Variants in PLS3 observed in about 807,000 individuals in gnomAD.
PLS3 encodes plastin 3.
In PLS3, 11 loss-of-function variants were observed where a neutral mutation model predicts 46.5. That is an observed-to-expected ratio of 0.24 (90% CI 0.15 to 0.39). The LOEUF is 0.39. Ranked by LOEUF, PLS3 falls within the 10% of genes least tolerant of loss-of-function variation. PLS3 has a pLI of 1.00. For synonymous variants in PLS3, 167 were observed against 162.2 expected (o/e 1.03, Z -0.22); for missense variants, 308 against 461.8 (o/e 0.67, Z 3.05).
intron 1 of PLS3, among the ~76,000 whole-genome samples, chrX:115,581,536 TGAA>T (rs1465274237): frequency 8.9e-6 from 1 of 112,063 alleles, no homozygotes; most frequent in Non-Finnish European, 1.9e-5. Flanking sequence ...TGATTAGGAC[TGAA>T]GAAGAACTGA....
intron 2 of PLS3, among the ~76,000 whole-genome samples, chrX:115,617,866 G>T (rs2074611684): frequency 8.9e-6 from 1 of 111,964 alleles, no homozygotes; most frequent in African/African-American, 3.3e-5. Flanking sequence ...GTTCAAGAGA[G>T]GTTATTTCAG....
chrX:115,623,642 G>T (rs1388129235), intron 3 of PLS3, among the ~76,000 whole-genome samples: 3 of 111,806 alleles, frequency 2.7e-5, no homozygotes, highest in Non-Finnish European at 5.6e-5. Context: ...AGTTTGACTA[G>T]ATCTTACTAG....
chrX:115,611,719 A>C (rs782797877), intron 2 of PLS3, among the ~76,000 whole-genome samples: 8 of 111,734 alleles, frequency 7.2e-5, no homozygotes, highest in Non-Finnish European at 1.5e-4. Flanking sequence ...TATTCCTTAA[A>C]AATTAAAGTT....
chrX:115,588,056 A>G (rs181761231), intron 1 of PLS3, among the ~76,000 whole-genome samples: 59 of 112,523 alleles, frequency 5.2e-4, no homozygotes, highest in African/African-American at 1.7e-3. Flanking sequence ...GAAGACCCAC[A>G]TAACTTACTG....
At chrX:115,638,747 C>G (rs1208092159) in intron 8 of PLS3, among the ~76,000 whole-genome samples, 1 of 106,987 alleles carries the variant, frequency 9.3e-6, no homozygotes, top group Non-Finnish European at 1.9e-5. Context: ...GAGTCTTGCT[C>G]TGTCGCCCAG....
intron 1 of PLS3, among the ~76,000 whole-genome samples, chrX:115,597,635 T>C (rs1378479623): frequency 8.9e-6 from 1 of 112,263 alleles, no homozygotes; most frequent in Admixed American, 9.4e-5. Context: ...TGAAATTTTA[T>C]ATTATGTTAT....
intron 2 of PLS3, among the ~76,000 whole-genome samples, chrX:115,620,188 C>A (rs2074634922): frequency 9.0e-6 from 1 of 110,851 alleles, no homozygotes; most frequent in African/African-American, 3.3e-5. Context: ...CCTAGCAGAG[C>A]TTATAAGATC....
chrX:115,574,211 TC>T (rs1188557824), intron 1 of PLS3, among the ~76,000 whole-genome samples: 5 of 111,814 alleles, frequency 4.5e-5, no homozygotes, highest in South Asian at 7.5e-4. Flanking sequence ...AGCCCCATTT[TC>T]CTAGTTCCTT....
intron 1 of PLS3, among the ~76,000 whole-genome samples, chrX:115,608,217 C>T (rs1481493883): frequency 9.0e-6 from 1 of 111,689 alleles, no homozygotes; most frequent in Non-Finnish European, 1.9e-5. Context: ...CTACCACTTC[C>T]AGCCCCTACC....
chrX:115,585,742 A>C (rs1443463453), intron 1 of PLS3, among the ~76,000 whole-genome samples: 1 of 110,975 alleles, frequency 9.0e-6, no homozygotes, highest in African/African-American at 3.3e-5. Flanking sequence ...AATAGCATTA[A>C]AAACCCCCAG....
chrX:115,576,355 G>A (rs1556631198), intron 1 of PLS3, among the ~76,000 whole-genome samples: 1 of 111,113 alleles, frequency 9.0e-6, no homozygotes, highest in Non-Finnish European at 1.9e-5. Flanking sequence ...AATCACTTGA[G>A]CTCAGGAGTT....
chrX:115,606,184 T>TTC (rs1192905199), intron 1 of PLS3, among the ~76,000 whole-genome samples: 1 of 82,876 alleles, frequency 1.2e-5, no homozygotes, highest in Non-Finnish European at 2.3e-5. Context: ...TTTTTTTTTT[T>TTC]TTTTTTGCAG....
In PLS3 at chrX:115,650,715, A is replaced by T. The variant is rs1041153844; in HGVS notation, c.*1154A>T. The T allele has an allele frequency of 1.8e-5, 2 of 111,964 alleles. No homozygotes were observed. The highest frequency in any genetic ancestry group is 3.8e-5 in the Non-Finnish European group (2 of 53,213). 9.2% of individuals were successfully genotyped at this position (111,964 alleles called of 1,213,427 possible). On this transcript the variant is annotated 3_prime_UTR_variant, in exon 16 of 16. Coordinates refer to ENST00000355899, the MANE Select transcript of PLS3 (RefSeq NM_005032.7). ...CTTTTGTCTCTTAGGAAGTATGCCA[A>T]TGTTTGTCAGGATTTTTTTCTTTTT...
chrX:115,594,051 A>G (rs1236164839), intron 1 of PLS3, among the ~76,000 whole-genome samples: 1 of 111,559 alleles, frequency 9.0e-6, no homozygotes, highest in Non-Finnish European at 1.9e-5. Flanking sequence ...GTTTTTCAAA[A>G]TTCTGTAAAA....
In PLS3 at chrX:115,615,487, CAGAGAGAG is replaced by C. The variant is rs72382307; in HGVS notation, c.73+5200_73+5207del. On this transcript the variant is annotated intron_variant, in intron 2 of 15. Coordinates refer to ENST00000355899, the MANE Select transcript of PLS3 (RefSeq NM_005032.7). Reference sequence around the variant, plus strand: ...GCAGATGTGAACCTACACGTGTCATCAGAGAGAGAGAGAGAGAGAGAGAGAGAGAGAGA... The same window carrying C: ...GCAGATGTGAACCTACACGTGTCATCAGAGAGAGAGAGAGAGAGAGAGAGA... Among the ~76,000 whole-genome samples the C allele has an allele frequency of 5.5e-3, 408 of 73,749 alleles. 1 individual carries two copies. The highest frequency in any genetic ancestry group is 6.8e-3 in the African/African-American group (130 of 19,237). 64.0% of individuals were successfully genotyped at this position (73,749 alleles called of 115,157 possible).
chrX:115,610,161 A>G (rs1437847647), intron 1 of PLS3, 82 bp from the exon 2 acceptor site: 2 of 413,270 alleles, frequency 4.8e-6, no homozygotes, highest in African/African-American at 5.1e-5. Context: ...TGTTTAAATT[A>G]TCCCTAAGAT....
intron 9 of PLS3, among the ~76,000 whole-genome samples, 182 bp downstream of exon 9, chrX:115,640,685 A>G (rs781788248): frequency 8.9e-6 from 1 of 112,045 alleles, no homozygotes; most frequent in East Asian, 2.8e-4. Context: ...TTTGATTGTT[A>G]GTGAATTCCA....
At chrX:115,570,833 T>C (rs1465939351) in intron 1 of PLS3, among the ~76,000 whole-genome samples, 2 of 109,922 alleles carry the variant, frequency 1.8e-5, no homozygotes, top group Admixed American at 9.8e-5. Context: ...ATTCTAGCCA[T>C]GTTTCAGGTT....
intron 3 of PLS3, among the ~76,000 whole-genome samples, chrX:115,628,442 C>T (rs1024237687): frequency 1.1e-4 from 12 of 112,135 alleles, no homozygotes; most frequent in Admixed American, 1.9e-4. Flanking sequence ...AATTTAGCCA[C>T]GCACATTGGT....
Sources: allele counts gnomAD v4.1 joint callset (sites outside exome capture counted in the v4.1 genomes callset), GRCh38; gene constraint gnomAD v4.1.1; transcripts MANE v1.5; gene names NCBI Gene and HGNC (gene_info 2026-07-23, HGNC 2026-07-21).